The following SYN2 variants were observed in gnomAD, a reference collection of about 807,000 sequenced individuals.
SYN2 encodes the protein synapsin II.
In SYN2, 19 loss-of-function variants were observed where a neutral mutation model predicts 50.9. That is an observed-to-expected ratio of 0.37 (90% CI 0.26 to 0.55). The LOEUF is 0.55. SYN2 is among the 20% of genes least tolerant of loss of function. The pLI, the probability that SYN2 is intolerant of heterozygous loss-of-function variation, is 0.81. For missense variants in SYN2, 587 were observed against 576.4 expected (o/e 1.02, Z -0.19); for synonymous variants, 255 against 224.9 (o/e 1.13, Z -1.20).
In SYN2 at chr3:12,166,239, A is replaced by C. The variant is rs145508193; in HGVS notation, c.981-995A>C. 3.2e-3 allele frequency among the ~76,000 whole-genome samples: 489 copies of C among 152,336 alleles called. 5 individuals are homozygous for C. Among genetic ancestry groups the C allele is most frequent in the African/African-American group, 0.01 (427 of 41,572 alleles). On this transcript the variant is annotated intron_variant, in intron 7 of 12. Coordinates refer to ENST00000621198, the MANE Select transcript of SYN2 (RefSeq NM_133625.6). Reference sequence around the variant, plus strand: ...TATTGAATGATAAGGGCAGCATATGAGGGGCTCTGTCGACAGTGTAAGCAG... The same window carrying C: ...TATTGAATGATAAGGGCAGCATATGCGGGGCTCTGTCGACAGTGTAAGCAG...
chr3:12,102,214 A>G (rs1444030083), intron 1 of SYN2, among the ~76,000 whole-genome samples: 2 of 152,306 alleles, frequency 1.3e-5, no homozygotes, highest in African/African-American at 2.4e-5. Context: ...TTTTAGAAAT[A>G]CTACCAGCAA....
chr3:12,107,582 G>A (rs1696221774), intron 1 of SYN2, among the ~76,000 whole-genome samples: 1 of 152,088 alleles, frequency 6.6e-6, no homozygotes, highest in South Asian at 2.1e-4. Flanking sequence ...CTCATGTGGA[G>A]GCTTCTGGAA....
At chr3:12,132,034 CT>C (rs1255588208) in intron 1 of SYN2, among the ~76,000 whole-genome samples, 2 of 121,040 alleles carry the variant, frequency 1.7e-5, no homozygotes, top group African/African-American at 7.1e-5. Context: ...TCTTTTTTTT[CT>C]TTTTTTTTCT....
intron 1 of SYN2, among the ~76,000 whole-genome samples, chr3:12,014,386 A>G (rs1039396171): frequency 1.3e-5 from 2 of 152,228 alleles, no homozygotes; most frequent in Non-Finnish European, 2.9e-5. Context: ...ACTGTCTTCA[A>G]ATATAAGCTT....
intron 1 of SYN2, among the ~76,000 whole-genome samples, chr3:12,103,548 G>A (rs1015764765): frequency 1.1e-4 from 17 of 152,098 alleles, no homozygotes; most frequent in Admixed American, 3.3e-4. Context: ...TGTCAGGATC[G>A]CCCCATTACT....
chr3:12,135,310 CCTA>C (rs1696875343), intron 1 of SYN2, among the ~76,000 whole-genome samples: 1 of 152,164 alleles, frequency 6.6e-6, no homozygotes, highest in South Asian at 2.1e-4. Context: ...ATAGGAATCT[CCTA>C]CTATTTCTAG....
chr3:12,044,406 A>T (rs796744750), intron 1 of SYN2, among the ~76,000 whole-genome samples: 38 of 152,338 alleles, frequency 2.5e-4, no homozygotes, highest in African/African-American at 8.9e-4. Flanking sequence ...ATCCTTCTGA[A>T]AAAGCAAAGG....
chr3:12,015,932 G>T lies in SYN2; in HGVS notation c.377+11004G>T, dbSNP rs1574887498. 2.6e-5 allele frequency among the ~76,000 whole-genome samples: 4 copies of T among 152,104 alleles called. No homozygotes were observed. In the South Asian group the frequency reaches 8.3e-4, roughly 32 times the overall value. On this transcript the variant is annotated intron_variant, in intron 1 of 12. Coordinates refer to ENST00000621198, the MANE Select transcript of SYN2 (RefSeq NM_133625.6). ...TACCTCTTATCTCTTTCTCTGTTCAGGGGGCCTGACAACTTCGTACAATAA... is the reference window on the plus strand; with the variant it reads ...TACCTCTTATCTCTTTCTCTGTTCATGGGGCCTGACAACTTCGTACAATAA...
At chr3:12,082,991 C>T (rs181678255) in intron 1 of SYN2, among the ~76,000 whole-genome samples, 8 of 152,060 alleles carry the variant, frequency 5.3e-5, no homozygotes, top group Admixed American at 3.3e-4. Context: ...AACCTACTTT[C>T]CCGTAATATT....
At chr3:12,140,204 A>G (rs1696981807) in intron 1 of SYN2, among the ~76,000 whole-genome samples, 1 of 152,242 alleles carries the variant, frequency 6.6e-6, no homozygotes, top group Non-Finnish European at 1.5e-5. Context: ...TTGTATGGGT[A>G]TGAAGAAGTA....
chr3:12,120,003 A>AT (rs1367278579), intron 1 of SYN2, among the ~76,000 whole-genome samples: 1 of 151,948 alleles, frequency 6.6e-6, no homozygotes, highest in African/African-American at 2.4e-5. Flanking sequence ...AAACATCTGA[A>AT]TTTTTTTTCT....
chr3:12,162,535 C>T (rs909483629), intron 7 of SYN2, among the ~76,000 whole-genome samples: 2 of 152,122 alleles, frequency 1.3e-5, no homozygotes, highest in African/African-American at 4.8e-5. Flanking sequence ...GTTAGGCTTG[C>T]CACTACCTCC....
At chr3:12,018,255 G>A (rs958036285) in intron 1 of SYN2, among the ~76,000 whole-genome samples, 3 of 152,158 alleles carry the variant, frequency 2.0e-5, no homozygotes, top group African/African-American at 7.2e-5. Context: ...AAGGAAAGAG[G>A]CATTTCAGTA....
intron 1 of SYN2, among the ~76,000 whole-genome samples, chr3:12,136,998 C>T (rs1227056514): frequency 1.3e-5 from 2 of 152,144 alleles, no homozygotes; most frequent in Non-Finnish European, 2.9e-5. Flanking sequence ...ATCATCCCAG[C>T]ACTTTCAGAG....
intron 10 of SYN2, among the ~76,000 whole-genome samples, chr3:12,178,636 G>A (rs1198886449): frequency 2.0e-5 from 3 of 152,174 alleles, no homozygotes; most frequent in Admixed American, 1.3e-4. Flanking sequence ...CAGGTGACAG[G>A]AAACCACACA....
At chr3:12,130,239 T>TGC (rs1300906361) in intron 1 of SYN2, among the ~76,000 whole-genome samples, 1 of 150,460 alleles carries the variant, frequency 6.6e-6, no homozygotes, top group Admixed American at 6.6e-5. Flanking sequence ...TCTGTGTGCG[T>TGC]GTGTGTGTGT....
At chr3:12,143,828 G>A (rs936553203) in intron 3 of SYN2, among the ~76,000 whole-genome samples, 2 of 152,264 alleles carry the variant, frequency 1.3e-5, no homozygotes, top group East Asian at 1.9e-4. Flanking sequence ...GGGTCATATG[G>A]TAGTTCTACT....
At chr3:12,180,082 G>T (rs953923766) in intron 10 of SYN2, among the ~76,000 whole-genome samples, 1 of 152,122 alleles carries the variant, frequency 6.6e-6, no homozygotes, top group East Asian at 1.9e-4. Context: ...CTGGGTAGCT[G>T]GGACTATAAG....
chr3:12,050,003 G>A (rs1048338846), intron 1 of SYN2, among the ~76,000 whole-genome samples: 7 of 152,088 alleles, frequency 4.6e-5, no homozygotes, highest in Non-Finnish European at 8.8e-5. Context: ...GGATTCAAGC[G>A]ATTCTCCTGC....
Sources: allele counts gnomAD v4.1 joint callset (sites outside exome capture counted in the v4.1 genomes callset), GRCh38; gene constraint gnomAD v4.1.1; transcripts MANE v1.5; gene names NCBI Gene and HGNC (gene_info 2026-07-23, HGNC 2026-07-21).